Variants in RPS6KC1 observed in about 807,000 individuals in gnomAD.
The protein encoded by RPS6KC1 is ribosomal protein S6 kinase C1.
In RPS6KC1, 54 loss-of-function variants were observed where a neutral mutation model predicts 103.8. That is an observed-to-expected ratio of 0.52 (90% CI 0.42 to 0.65). RPS6KC1 has a LOEUF of 0.65. Among genes scored for constraint, RPS6KC1 ranks in the 30% least tolerant of loss-of-function variants. The pLI, the probability that RPS6KC1 is intolerant of heterozygous loss-of-function variation, is 0.00. For synonymous variants in RPS6KC1, 439 were observed against 438.7 expected (o/e 1.00, Z -0.01); for missense variants, 1,151 against 1,253.8 (o/e 0.92, Z 1.24).
At chr1:213,798,361 A>G in the RPS6KC1 span, among the ~76,000 whole-genome samples, 1 of 152,206 alleles carries the variant, frequency 6.6e-6, no homozygotes, top group Non-Finnish European at 1.5e-5. Context: ...GCTTCAGCCC[A>G]AGCAGGCCAA....
At chr1:213,571,385 G>A in the RPS6KC1 span, among the ~76,000 whole-genome samples, 7 of 152,160 alleles carry the variant, frequency 4.6e-5, no homozygotes, top group East Asian at 1.9e-4. Flanking sequence ...AATAAGAGGC[G>A]GAGAGGGCCT....
chr1:213,791,335 GA>G, the RPS6KC1 span, among the ~76,000 whole-genome samples: 205 of 152,188 alleles, frequency 1.3e-3, no homozygotes, highest in Non-Finnish European at 2.3e-3. Flanking sequence ...GGAAGATCTC[GA>G]GCAGAAAAGT....
chr1:213,791,867 A>G, the RPS6KC1 span, among the ~76,000 whole-genome samples: 1 of 152,144 alleles, frequency 6.6e-6, no homozygotes, highest in Non-Finnish European at 1.5e-5. Flanking sequence ...TGTTGGCATT[A>G]CCTACCGAAC....
chr1:213,820,533 C>T, the RPS6KC1 span: 1 of 152,176 alleles, frequency 6.6e-6, no homozygotes, highest in Non-Finnish European at 1.5e-5. Flanking sequence ...GGGCTGGTGG[C>T]CTGAGCTTTG....
At chr1:213,413,855 A>G in the RPS6KC1 span, among the ~76,000 whole-genome samples, 1 of 152,230 alleles carries the variant, frequency 6.6e-6, no homozygotes, top group African/African-American at 2.4e-5. Flanking sequence ...CTACCACAGC[A>G]TGACTCACAA....
intron 12 of RPS6KC1, among the ~76,000 whole-genome samples, chr1:213,251,102 C>CTTTTTTTTT (rs1235280521): frequency 1.0e-5 from 1 of 100,210 alleles, no homozygotes; most frequent in African/African-American, 3.7e-5. Context: ...GGTTTTTCAG[C>CTTTTTTTTT]TTTTTTTTTT....
At chr1:213,766,216 G>A in the RPS6KC1 span, among the ~76,000 whole-genome samples, 10 of 152,152 alleles carry the variant, frequency 6.6e-5, no homozygotes, top group East Asian at 1.9e-4. Flanking sequence ...CTTGTTTAAC[G>A]TTTTATTGTA....
chr1:213,218,875 A>T (rs1474747439), intron 8 of RPS6KC1, among the ~76,000 whole-genome samples: 1 of 152,234 alleles, frequency 6.6e-6, no homozygotes, highest in Non-Finnish European at 1.5e-5. Flanking sequence ...TTAAATTTGG[A>T]TTGAAGACTT....
the RPS6KC1 span, among the ~76,000 whole-genome samples, chr1:213,380,841 T>C: frequency 6.6e-6 from 1 of 152,126 alleles, no homozygotes; most frequent in Non-Finnish European, 1.5e-5. Context: ...TCTGTCCACC[T>C]CTCTCCCTCT....
chr1:213,802,636 G>GAA, the RPS6KC1 span, among the ~76,000 whole-genome samples: 3,189 of 152,224 alleles, frequency 0.021, 96 homozygotes, highest in African/African-American at 0.07. Flanking sequence ...AATAACTTAG[G>GAA]AAAAGAAGAC....
chr1:213,508,891 C>T, the RPS6KC1 span, among the ~76,000 whole-genome samples: 1 of 152,126 alleles, frequency 6.6e-6, no homozygotes, highest in Non-Finnish European at 1.5e-5. Context: ...AGGATCTTGA[C>T]TTGAGATTAG....
chr1:213,110,263 G>A (rs1359019815), intron 4 of RPS6KC1, among the ~76,000 whole-genome samples: 1 of 152,032 alleles, frequency 6.6e-6, no homozygotes, highest in African/African-American at 2.4e-5. Flanking sequence ...ATACTTTCCT[G>A]TGTCTTTGTA....
At chr1:213,507,601 G>T in the RPS6KC1 span, among the ~76,000 whole-genome samples, 4 of 149,816 alleles carry the variant, frequency 2.7e-5, no homozygotes, top group African/African-American at 9.9e-5. Context: ...AGGTGCCTGT[G>T]GTCCCATCCA....
At chr1:213,058,788 A>G (rs1405389800) in intron 1 of RPS6KC1, among the ~76,000 whole-genome samples, 5 of 152,188 alleles carry the variant, frequency 3.3e-5, no homozygotes, top group South Asian at 2.1e-4. Flanking sequence ...CTATAGCTAC[A>G]AAAAATCCTT....
chr1:213,478,147 T>C, the RPS6KC1 span, among the ~76,000 whole-genome samples: 1 of 152,188 alleles, frequency 6.6e-6, no homozygotes, highest in Non-Finnish European at 1.5e-5. Context: ...CTTCTTTTAC[T>C]TAGTTATATG....
At chr1:213,851,168 A>G in the RPS6KC1 span, among the ~76,000 whole-genome samples, 1 of 152,070 alleles carries the variant, frequency 6.6e-6, no homozygotes, top group Non-Finnish European at 1.5e-5. Context: ...CCTAAAATCT[A>G]TGACTAATTC....
intron 5 of RPS6KC1, among the ~76,000 whole-genome samples, chr1:213,118,853 A>G (rs1161767070): frequency 6.6e-6 from 1 of 151,992 alleles, no homozygotes; most frequent in Non-Finnish European, 1.5e-5. Context: ...AACATTGTTG[A>G]CAGTAATTTT....
the RPS6KC1 span, among the ~76,000 whole-genome samples, chr1:213,685,654 T>A: frequency 6.6e-6 from 1 of 151,390 alleles, no homozygotes; most frequent in Non-Finnish European, 1.5e-5. Context: ...AAGATAAGAC[T>A]TTAAGCAAAA....
chr1:213,383,403 C>T, the RPS6KC1 span, among the ~76,000 whole-genome samples: 21 of 152,196 alleles, frequency 1.4e-4, no homozygotes, highest in Non-Finnish European at 2.9e-5. Context: ...GTTCTGTGCC[C>T]AGGCAACATG....
Sources: allele counts gnomAD v4.1 joint callset (sites outside exome capture counted in the v4.1 genomes callset), GRCh38; gene constraint gnomAD v4.1.1; transcripts MANE v1.5; gene names NCBI Gene and HGNC (gene_info 2026-07-23, HGNC 2026-07-21).